FTCD: variants seen among roughly 807,000 people sequenced by gnomAD.
The protein encoded by FTCD is formimidoyltransferase-cyclodeaminase.
FTCD carries 76 observed loss-of-function variants against 62.9 expected under a neutral mutation model. The observed-to-expected ratio is 1.21, with a 90% CI of 1.00 to 1.46. The LOEUF is 1.46. FTCD is among the 40% of genes most tolerant of loss of function. The probability of loss-of-function intolerance (pLI) is 0.00; values close to 1 mark genes in which losing one functional copy is unlikely to be tolerated. For synonymous variants in FTCD, 397 were observed against 336.9 expected (o/e 1.18, Z -1.95); for missense variants, 845 against 751.3 (o/e 1.12, Z -1.46).
intron 7 of FTCD, 45 bp from the exon 8 acceptor site, chr21:46,146,372 C>T: frequency 2.2e-6 from 3 of 1,370,224 alleles, no homozygotes; most frequent in Non-Finnish European, 3.1e-6. Flanking sequence ...CGCGTCTCCA[C>T]CACCAGGAAA....
chr21:46,153,993 A>C, intron 2 of FTCD, 156 bp downstream of exon 2: 2 of 769,374 alleles, frequency 2.6e-6, no homozygotes, highest in South Asian at 1.6e-5. Context: ...TGACCCCCAC[A>C]CTCCAGGGTC....
chr21:46,138,965 G>A (rs1228861188), intron 10 of FTCD, 42 bp from the exon 11 acceptor site: 1 of 1,529,414 alleles, frequency 6.5e-7, no homozygotes. Context: ...GGACCGTAGG[G>A]GGAGCAGCCA....
Position 46,138,499 on chromosome 21 carries a change from C to G in FTCD, c.1443+9G>C, listed in dbSNP as rs750817590. On this transcript the variant is annotated intron_variant, in intron 12 of 13. Coordinates refer to ENST00000397746, the MANE Select transcript of FTCD (RefSeq NM_206965.2). ...GGCAGGAGGCCTGGGGTCCCCCGGG[C>G]CCCCCTACCTGGAGGTCTGACCGGC... 2 of 1,559,946 alleles carry G rather than the reference C, an allele frequency of 1.3e-6. No homozygotes were observed. The highest frequency in any genetic ancestry group is 8.6e-7 in the Non-Finnish European group (1 of 1,168,752).
At chr21:46,142,158 GCAAA>G (rs761949818) in intron 10 of FTCD, 3 of 152,308 alleles carry the variant, frequency 2.0e-5, no homozygotes, top group African/African-American at 2.4e-5. Flanking sequence ...ACACCTCCCT[GCAAA>G]CAGTGTGTCC....
chr21:46,153,068 C>T, intron 2 of FTCD, 33 bp from the exon 3 acceptor site: 1 of 1,538,690 alleles, frequency 6.5e-7, no homozygotes. Flanking sequence ...GGCAGGAGGC[C>T]AGGTGTGGGA....
At chr21:46,138,051 C>T (rs184360034) in intron 12 of FTCD, among the ~76,000 whole-genome samples, 124 of 152,198 alleles carry the variant, frequency 8.1e-4, no homozygotes, top group African/African-American at 2.6e-3. Context: ...CACCACCGTG[C>T]CTGGCTCATA....
intron 10 of FTCD, among the ~76,000 whole-genome samples, chr21:46,143,260 C>T (rs1015399167): frequency 1.3e-5 from 2 of 152,044 alleles, no homozygotes; most frequent in South Asian, 2.1e-4. Flanking sequence ...CCGCCCTGCT[C>T]CAGAGGCTGG....
chr21:46,150,185 A>G lies in FTCD; in HGVS notation c.840T>C (p.Asp280=). 1 of 1,609,952 alleles carries G rather than the reference A, an allele frequency of 6.2e-7. No individual in the cohort carries two copies. Among genetic ancestry groups the G allele is most frequent in the Non-Finnish European group, 8.5e-7 (1 of 1,178,810 alleles). Residue 280 remains aspartate (D), a synonymous_variant, in exon 7 of 14, where the codon GAT becomes GAC. Coordinates refer to ENST00000397746, the MANE Select transcript of FTCD (RefSeq NM_206965.2). ...VGLVPLKALL[D]AAAFYCEKEN... Reference sequence around the variant, plus strand: ...CCTTCTCGCAGTAGAAGGCGGCCGCATCCAGCAGAGCCTTCAGGGGCACCA... The same window carrying G: ...CCTTCTCGCAGTAGAAGGCGGCCGCGTCCAGCAGAGCCTTCAGGGGCACCA...
At position 46,151,593 on chromosome 21, in the gene FTCD, G is replaced by A; in HGVS notation, c.601C>T (p.Leu201Phe). ...GTKEQAHRIA[L>F]NLREQGRGKD... ...CCGCGGCCCTGCTCCCGCAGGTTGAGCGCGATGCGGTGGGCTTGCTCCTTT... is the reference window on the plus strand; with the variant it reads ...CCGCGGCCCTGCTCCCGCAGGTTGAACGCGATGCGGTGGGCTTGCTCCTTT... Residue 201 changes from leucine (L) to phenylalanine (F), a missense_variant, in exon 5 of 14, where the codon CTC becomes TTC. Leu to Phe is a conservative substitution (Grantham distance 22). Coordinates refer to ENST00000397746, the MANE Select transcript of FTCD (RefSeq NM_206965.2). The A allele has an allele frequency of 1.2e-6, 2 of 1,612,982 alleles. No individual in the cohort carries two copies. The highest frequency in any genetic ancestry group is 1.7e-5 in the Admixed American group (1 of 60,028).
intron 8 of FTCD, 115 bp from the exon 9 acceptor site, chr21:46,146,062 G>A (rs971313799): frequency 2.7e-6 from 2 of 740,574 alleles, no homozygotes; most frequent in South Asian, 1.8e-5. Context: ...GTGACCACTC[G>A]GCTGAGAACC....
rs1414259101 is a variant in FTCD at position 46,136,937 on chromosome 21, G to A, written c.*50C>T. The A allele has an allele frequency of 6.2e-7, 1 of 1,611,946 alleles. No homozygotes were observed. The highest frequency in any genetic ancestry group is 2.2e-5 in the East Asian group (1 of 44,828). ...CACCGAGGTCACAGCTCTGCCCTCTGGGGATGGGCGAGGGAGGGGCCACAG... is the reference window on the plus strand; with the variant it reads ...CACCGAGGTCACAGCTCTGCCCTCTAGGGATGGGCGAGGGAGGGGCCACAG... On this transcript the variant is annotated 3_prime_UTR_variant, in exon 14 of 14. Transcript: ENST00000397746.
intron 3 of FTCD, 41 bp downstream of exon 3, chr21:46,152,866 G>A (rs1191873448): frequency 6.7e-7 from 1 of 1,497,420 alleles, no homozygotes; most frequent in African/African-American, 1.4e-5. Context: ...CCACACCAAT[G>A]AGACGGGAGC....
At chr21:46,138,827 C>T (rs2078930373) in intron 11 of FTCD, 53 bp downstream of exon 11, 1 of 1,530,136 alleles carries the variant, frequency 6.5e-7, no homozygotes, top group Admixed American at 1.7e-5. Flanking sequence ...GGATCCTGGC[C>T]ACCAACTCCC....
At chr21:46,140,557 CA>C (rs2078977997) in intron 10 of FTCD, among the ~76,000 whole-genome samples, 1 of 138,990 alleles carries the variant, frequency 7.2e-6, no homozygotes, top group Non-Finnish European at 1.6e-5. Context: ...ACCAACCCAG[CA>C]CTCCCCGTCC....
At chr21:46,142,039 G>C (rs73161655) in intron 10 of FTCD, 5,223 of 152,492 alleles carry the variant, frequency 0.034, 140 homozygotes, top group Non-Finnish European at 0.056. Flanking sequence ...GCGAGCACTG[G>C]GCGGGCTGTG....
At chr21:46,147,680 TGTAATCCCA>T (rs1436759291) in intron 7 of FTCD, among the ~76,000 whole-genome samples, 2 of 151,804 alleles carry the variant, frequency 1.3e-5, no homozygotes, top group Non-Finnish European at 2.9e-5. Flanking sequence ...GGCTCACGCC[TGTAATCCCA>T]GTGCTTTGGG....
At chr21:46,153,489 C>T (rs1056096050) in intron 2 of FTCD, among the ~76,000 whole-genome samples, 14 of 152,196 alleles carry the variant, frequency 9.2e-5, no homozygotes, top group African/African-American at 3.4e-4. Flanking sequence ...ATCCACTCTG[C>T]GTTTCCAGAG....
chr21:46,141,144 A>T (rs1175172501), intron 10 of FTCD, among the ~76,000 whole-genome samples: 1 of 152,088 alleles, frequency 6.6e-6, no homozygotes, highest in East Asian at 1.9e-4. Flanking sequence ...TTATATACAT[A>T]TGTTTACATT....
intron 1 of FTCD, 149 bp from the exon 2 acceptor site, chr21:46,154,481 G>C: frequency 9.9e-7 from 1 of 1,006,616 alleles, no homozygotes. Flanking sequence ...AGCTCCCACC[G>C]AAAGTGCCCG....
Sources: allele counts gnomAD v4.1 joint callset (sites outside exome capture counted in the v4.1 genomes callset), GRCh38; gene constraint gnomAD v4.1.1; transcripts MANE v1.5; gene names NCBI Gene and HGNC (gene_info 2026-07-23, HGNC 2026-07-21).